CAMTA1: variants seen among roughly 807,000 people sequenced by gnomAD.
CAMTA1 encodes the protein calmodulin-binding transcription activator 1.
A neutral mutation model predicts 170.9 loss-of-function variants in CAMTA1; 27 were observed. That is an observed-to-expected ratio of 0.16 (90% CI 0.12 to 0.22). The LOEUF (loss-of-function observed/expected upper bound fraction) is 0.22, where lower values mean the gene tolerates loss of function less well. CAMTA1 is among the 10% of genes least tolerant of loss of function. The pLI, the probability that CAMTA1 is intolerant of heterozygous loss-of-function variation, is 1.00. For missense variants in CAMTA1, 1,619 were observed against 2,217.2 expected, an observed-to-expected ratio of 0.73 and a Z score of 5.42; for synonymous variants, 833 against 891.5, an observed-to-expected ratio of 0.93 and a Z score of 1.17.
At chr1:6,793,776 C>G (rs1178791679) in intron 1 of CAMTA1, among the ~76,000 whole-genome samples, 2 of 152,152 alleles carry the variant, frequency 1.3e-5, no homozygotes, top group African/African-American at 2.4e-5. Flanking sequence ...ATTTTTCCTT[C>G]ATGGTGCTTG....
chr1:7,499,060 C>T (rs1434766892), intron 6 of CAMTA1, among the ~76,000 whole-genome samples: 8 of 100,898 alleles, frequency 7.9e-5, no homozygotes, highest in Non-Finnish European at 1.2e-4. Context: ...GCCTGGTGTG[C>T]GTGTGTATGT....
At chr1:7,706,311 AT>A (rs2096524832) in intron 11 of CAMTA1, among the ~76,000 whole-genome samples, 1 of 152,074 alleles carries the variant, frequency 6.6e-6, no homozygotes, top group Non-Finnish European at 1.5e-5. Flanking sequence ...AATGCATTAT[AT>A]TTTTTCCACC....
chr1:6,951,267 C>A (rs950933231), intron 3 of CAMTA1, among the ~76,000 whole-genome samples: 2 of 152,122 alleles, frequency 1.3e-5, no homozygotes, highest in Non-Finnish European at 2.9e-5. Flanking sequence ...AGATGGGATT[C>A]GTTCCTTCAT....
chr1:7,400,068 GC>G (rs1174789304), intron 5 of CAMTA1, among the ~76,000 whole-genome samples: 9 of 152,258 alleles, frequency 5.9e-5, no homozygotes, highest in African/African-American at 2.2e-4. Flanking sequence ...AGATTTCTGT[GC>G]CTTTTACCAA....
chr1:7,444,675 A>C (rs887119977), intron 5 of CAMTA1, among the ~76,000 whole-genome samples: 2 of 152,242 alleles, frequency 1.3e-5, no homozygotes, highest in African/African-American at 4.8e-5. Context: ...TTCTGCCTGG[A>C]GGAATTAGAG....
chr1:7,510,052 C>G (rs2094181603), intron 6 of CAMTA1, among the ~76,000 whole-genome samples: 1 of 109,106 alleles, frequency 9.2e-6, no homozygotes, highest in Non-Finnish European at 2.2e-5. Context: ...CATCCAGGCC[C>G]CCTTTGTACA....
At chr1:7,499,770 A>T (rs1204057002) in intron 6 of CAMTA1, among the ~76,000 whole-genome samples, 2 of 120,178 alleles carry the variant, frequency 1.7e-5, no homozygotes, top group African/African-American at 6.4e-5. Flanking sequence ...GCCTGTTGTG[A>T]GTGTGTGTGT....
intron 6 of CAMTA1, among the ~76,000 whole-genome samples, chr1:7,587,315 C>A (rs2095319275): frequency 6.6e-6 from 1 of 152,016 alleles, no homozygotes; most frequent in South Asian, 2.1e-4. Flanking sequence ...TAGACCCCCA[C>A]CCTTTCCCCA....
At chr1:7,001,899 T>TCTTC (rs1553212999) in intron 3 of CAMTA1, among the ~76,000 whole-genome samples, 16 of 65,502 alleles carry the variant, frequency 2.4e-4, no homozygotes, top group South Asian at 1.4e-3. Flanking sequence ...TTCTTCTTCT[T>TCTTC]TTTTTTTTTT....
At chr1:6,870,448 C>T (rs1299889932) in intron 3 of CAMTA1, among the ~76,000 whole-genome samples, 1 of 152,150 alleles carries the variant, frequency 6.6e-6, no homozygotes, top group African/African-American at 2.4e-5. Flanking sequence ...AACCTAATCA[C>T]AGGAACAAAC....
chr1:7,699,633 C>G (rs1307726884), intron 11 of CAMTA1, among the ~76,000 whole-genome samples: 1 of 152,158 alleles, frequency 6.6e-6, no homozygotes, highest in African/African-American at 2.4e-5. Context: ...ACATTTCCAC[C>G]ACCAGTGTAC....
chr1:7,442,882 G>T (rs2092583461), intron 5 of CAMTA1, among the ~76,000 whole-genome samples: 1 of 152,138 alleles, frequency 6.6e-6, no homozygotes, highest in African/African-American at 2.4e-5. Context: ...CCCCAGAGCT[G>T]GTGTTCTTAT....
At chr1:7,110,045 T>C (rs1643917379) in intron 4 of CAMTA1, among the ~76,000 whole-genome samples, 1 of 152,188 alleles carries the variant, frequency 6.6e-6, no homozygotes. Context: ...CGAGGTGGCC[T>C]GAGGTGTTTC....
chr1:7,052,288 C>G (rs184949664), intron 3 of CAMTA1, among the ~76,000 whole-genome samples: 1 of 152,224 alleles, frequency 6.6e-6, no homozygotes, highest in South Asian at 2.1e-4. Context: ...TCGTTCTCTC[C>G]GACGACACCT....
At chr1:6,961,481 C>T (rs1557889887) in intron 3 of CAMTA1, among the ~76,000 whole-genome samples, 1 of 152,170 alleles carries the variant, frequency 6.6e-6, no homozygotes, top group South Asian at 2.1e-4. Context: ...CTGCCGACCA[C>T]CATGCGTTCC....
chr1:7,479,797 G>C (rs1279436784), intron 6 of CAMTA1, among the ~76,000 whole-genome samples: 1 of 152,238 alleles, frequency 6.6e-6, no homozygotes, highest in Non-Finnish European at 1.5e-5. Flanking sequence ...ATCTGCTTCT[G>C]CCAGAGCAGC....
intron 3 of CAMTA1, among the ~76,000 whole-genome samples, chr1:6,936,952 C>G (rs1310832858): frequency 6.6e-6 from 1 of 152,048 alleles, no homozygotes; most frequent in Non-Finnish European, 1.5e-5. Flanking sequence ...TACGCCACTG[C>G]ACTCCAGCCT....
chr1:7,147,423 CAAAA>C (rs59259023), intron 4 of CAMTA1, among the ~76,000 whole-genome samples: 210 of 131,080 alleles, frequency 1.6e-3, no homozygotes, highest in South Asian at 5.1e-3. Context: ...GACTCCGTCT[CAAAA>C]AAAAAAAAAA....
chr1:7,680,425 G>C lies in CAMTA1; in HGVS notation c.2914+2692G>C, dbSNP rs924221797. Reference sequence around the variant, plus strand: ...TGCAGCGCGGAGCAAACTGGGGCACGGCTGCCGGCGGCGCGCGTGCACACA... The same window carrying C: ...TGCAGCGCGGAGCAAACTGGGGCACCGCTGCCGGCGGCGCGCGTGCACACA... On this transcript the variant is annotated intron_variant, in intron 11 of 22. Transcript: ENST00000303635. This position sits in a 1 kb window ranked among gnomAD's most constrained non-coding sequence, Gnocchi z 4.4. Among the ~76,000 whole-genome samples the C allele has an allele frequency of 6.6e-6, 1 of 152,108 alleles. No homozygotes were observed. The highest frequency in any genetic ancestry group is 2.4e-5 in the African/African-American group (1 of 41,442).
Sources: gnomAD v4.1 joint callset for allele counts (sites outside exome capture counted in the v4.1 genomes callset) on GRCh38, gnomAD v4.1.1 for gene constraint, Gnocchi (gnomAD v3.1) non-coding constraint, MANE v1.5 for transcripts, NCBI Gene and HGNC (gene_info 2026-07-23, HGNC 2026-07-21) for gene names.